SMC5: variants seen among roughly 807,000 people sequenced by gnomAD.
SMC5 encodes the protein structural maintenance of chromosomes protein 5.
Under a neutral mutation model 148.3 loss-of-function variants are expected in SMC5, and 88 were observed. The ratio of observed to expected loss-of-function variants is 0.59; its 90% CI spans 0.50 to 0.71. The LOEUF is 0.71. SMC5 is among the 30% of genes least tolerant of loss of function. The pLI, the probability that SMC5 is intolerant of heterozygous loss-of-function variation, is 0.00. For missense variants in SMC5, 1,142 were observed against 1,298.9 expected, an observed-to-expected ratio of 0.88 and a Z score of 1.86; for synonymous variants, 421 against 432.8, an observed-to-expected ratio of 0.97 and a Z score of 0.34.
At chr9:70,277,513 A>G (rs913364225) in intron 4 of SMC5, 41 bp downstream of exon 4, 30 of 1,509,640 alleles carry the variant, frequency 2.0e-5, no homozygotes, top group Non-Finnish European at 2.5e-5. Context: ...AATTTTGTAT[A>G]TAGTGTTTCC....
intron 11 of SMC5, chr9:70,310,992 G>A (rs1396688544): frequency 3.9e-5 from 6 of 152,208 alleles, no homozygotes; most frequent in Non-Finnish European, 8.8e-5. Context: ...GGATGTTGTG[G>A]CTGCTTTGAT....
At chr9:70,299,142 C>A (rs1380822069) in intron 9 of SMC5, among the ~76,000 whole-genome samples, 1 of 151,840 alleles carries the variant, frequency 6.6e-6, no homozygotes, top group African/African-American at 2.4e-5. Context: ...TCTAAATTCT[C>A]TCATTTATAC....
At chr9:70,304,551 G>C (rs1797466829) in intron 10 of SMC5, among the ~76,000 whole-genome samples, 1 of 152,128 alleles carries the variant, frequency 6.6e-6, no homozygotes, top group African/African-American at 2.4e-5. Context: ...GCTGGGCATG[G>C]TGACAGATGC....
intron 17 of SMC5, among the ~76,000 whole-genome samples, chr9:70,330,502 C>T (rs1419201694): frequency 1.3e-5 from 2 of 151,100 alleles, no homozygotes; most frequent in African/African-American, 4.9e-5. Flanking sequence ...TAATTTACTT[C>T]AGCACTGTCC....
rs1390407930 is a variant in SMC5, at chr9:70,346,641, C to T, written c.2560C>T (p.Leu854Phe). 6.2e-7 allele frequency: 1 copy of T among 1,614,014 alleles called. No homozygotes were observed. The highest frequency in any genetic ancestry group is 8.5e-7 in the Non-Finnish European group (1 of 1,179,910). The change falls in exon 19 of 25, where the codon CTC becomes TTC. Residue 854 changes from leucine to phenylalanine, a missense_variant. Physicochemically the swap from Leu to Phe is conservative, Grantham distance 22. Around this residue, in one of 5 missense-constraint regions of SMC5, gnomAD observed 743 missense variants for 835.7 expected, o/e 0.89. Coordinates refer to ENST00000361138, the MANE Select transcript of SMC5 (RefSeq NM_015110.4). Reference protein sequence around the residue: ...PTIPNGHNSSLPMVFQDLPNT... With the variant: ...PTIPNGHNSSFPMVFQDLPNT... ...CATTCCAAATGGACACAACTCCTCA[C>T]TCCCCATGGTATGCAGTACTCATTC...
intron 8 of SMC5, among the ~76,000 whole-genome samples, chr9:70,290,096 A>G (rs1287564653): frequency 6.6e-6 from 1 of 152,148 alleles, no homozygotes; most frequent in Non-Finnish European, 1.5e-5. Context: ...TTGAAATCCA[A>G]AACACTTCTG....
intron 18 of SMC5, among the ~76,000 whole-genome samples, chr9:70,344,861 GTT>G (rs755097786): frequency 2.0e-5 from 3 of 151,928 alleles, no homozygotes; most frequent in Non-Finnish European, 4.4e-5. Context: ...TAGAAAATAA[GTT>G]TTAAAATATC....
intron 17 of SMC5, among the ~76,000 whole-genome samples, chr9:70,332,824 G>A (rs555592003): frequency 5.9e-5 from 9 of 151,614 alleles, no homozygotes; most frequent in African/African-American, 1.7e-4. Flanking sequence ...TTAACAGACC[G>A]AAACTGAAAA....
intron 11 of SMC5, among the ~76,000 whole-genome samples, chr9:70,307,865 T>C (rs2035548432): frequency 6.6e-6 from 1 of 152,184 alleles, no homozygotes; most frequent in African/African-American, 2.4e-5. Flanking sequence ...CATTTTCAGG[T>C]TGACTCCTGT....
At chr9:70,285,477 T>C (rs912723700) in intron 7 of SMC5, among the ~76,000 whole-genome samples, 7 of 152,200 alleles carry the variant, frequency 4.6e-5, no homozygotes, top group Admixed American at 3.9e-4. Context: ...ACTTCCAGAA[T>C]GCAAGAAGGA....
chr9:70,298,993 T>C lies in SMC5; in HGVS notation c.1309+772T>C, dbSNP rs182858804. On this transcript the variant is annotated intron_variant, in intron 9 of 24. Coordinates refer to ENST00000361138, the MANE Select transcript of SMC5 (RefSeq NM_015110.4). ...ATTCTTCAAATGGGATTATTAATAATGATTTTTATTATTATAAATAATATA... is the reference window on the plus strand; with the variant it reads ...ATTCTTCAAATGGGATTATTAATAACGATTTTTATTATTATAAATAATATA... 7.6e-3 allele frequency among the ~76,000 whole-genome samples: 1,152 copies of C among 151,924 alleles called. 7 individuals carry two copies. Among genetic ancestry groups the C allele is most frequent in the Non-Finnish European group, 0.01 (695 of 67,862 alleles).
At chr9:70,325,169 G>A (rs117227151) in intron 17 of SMC5, among the ~76,000 whole-genome samples, 10,474 of 152,154 alleles carry the variant, frequency 0.069, 572 homozygotes, top group East Asian at 0.22. Flanking sequence ...TGATCTTTGT[G>A]GCATTTTCTA....
chr9:70,336,353 A>C (rs2036356062), intron 17 of SMC5, among the ~76,000 whole-genome samples: 1 of 152,232 alleles, frequency 6.6e-6, no homozygotes, highest in African/African-American at 2.4e-5. Context: ...TGCAGGCACA[A>C]ACACACATAG....
At position 70,318,876 on chromosome 9, in the gene SMC5, A is replaced by T; in HGVS notation, c.2063A>T (p.Asn688Ile). 6.2e-7 allele frequency: 1 copy of T among 1,612,562 alleles called. No homozygotes were observed. Among genetic ancestry groups the T allele is most frequent in the Non-Finnish European group, 8.5e-7 (1 of 1,179,318 alleles). The stretch of plus-strand genomic sequence containing the variant: ...AGCAAACATCTGGAGCACAAAGACA[A>T]TGAACTTAGACAAAAGAAGAAGGAG... ...ETSKHLEHKD[N>I]ELRQKKKELL... Residue 688 changes from asparagine (N) to isoleucine (I), a missense_variant, in exon 15 of 25, where the codon AAT becomes ATT. This residue lies in a region of SMC5 where 743 missense variants were observed against 835.7 expected (regional missense o/e 0.89). Coordinates refer to ENST00000361138, the MANE Select transcript of SMC5 (RefSeq NM_015110.4).
At chr9:70,312,719 T>C (rs1216036823) in intron 11 of SMC5, among the ~76,000 whole-genome samples, 1 of 152,210 alleles carries the variant, frequency 6.6e-6, no homozygotes. Flanking sequence ...TCTGTTAATA[T>C]GATAAGTTAG....
At chr9:70,278,394 G>T in intron 4 of SMC5, 97 bp from the exon 5 acceptor site, 1 of 1,176,972 alleles carries the variant, frequency 8.5e-7, no homozygotes, top group Non-Finnish European at 1.2e-6. Context: ...TTTTTTTAAT[G>T]AGTTTCACCT....
At chr9:70,276,006 T>C (rs1215687130) in intron 3 of SMC5, among the ~76,000 whole-genome samples, 1 of 152,234 alleles carries the variant, frequency 6.6e-6, no homozygotes. Context: ...TGTGTGTGTT[T>C]GTAGCGAACT....
At chr9:70,349,638 G>A (rs1039880356) in intron 22 of SMC5, among the ~76,000 whole-genome samples, 6 of 152,100 alleles carry the variant, frequency 3.9e-5, no homozygotes, top group Non-Finnish European at 7.4e-5. Context: ...AAGAAGTTAG[G>A]GGGATTCTTG....
chr9:70,312,532 A>C (rs757524004), intron 11 of SMC5, among the ~76,000 whole-genome samples: 15 of 152,150 alleles, frequency 9.9e-5, no homozygotes, highest in Non-Finnish European at 2.1e-4. Context: ...GAAAGCACTT[A>C]ATGTTTCATC....
Sources: allele counts gnomAD v4.1 joint callset (sites outside exome capture counted in the v4.1 genomes callset), GRCh38; gene constraint gnomAD v4.1.1; regional missense constraint gnomAD v4.1.1; transcripts MANE v1.5; gene names NCBI Gene and HGNC (gene_info 2026-07-23, HGNC 2026-07-21).